Variants in ELMO1 observed in about 807,000 individuals in gnomAD.
The protein encoded by ELMO1 is engulfment and cell motility protein 1.
Under a neutral mutation model 98.9 loss-of-function variants are expected in ELMO1, and 26 were observed. That is an observed-to-expected ratio of 0.26 (90% CI 0.19 to 0.36). The LOEUF is 0.36. ELMO1 is among the 10% of genes least tolerant of loss of function. The pLI is 1.00. For synonymous variants in ELMO1, 346 were observed against 346.0 expected (o/e 1.00, Z 0.00); for missense variants, 627 against 935.2 (o/e 0.67, Z 4.30).
At chr7:37,405,466 A>T (rs1430105193) in intron 1 of ELMO1, among the ~76,000 whole-genome samples, 2 of 152,250 alleles carry the variant, frequency 1.3e-5, no homozygotes, top group Non-Finnish European at 2.9e-5. Flanking sequence ...CAGCAAACAC[A>T]CTTCCGTGTG....
intron 1 of ELMO1, among the ~76,000 whole-genome samples, chr7:37,373,154 G>A (rs1030941372): frequency 4.6e-5 from 7 of 152,210 alleles, no homozygotes; most frequent in African/African-American, 1.7e-4. Context: ...CACTGAAGAC[G>A]GCGCTAGCAG....
intron 15 of ELMO1, among the ~76,000 whole-genome samples, chr7:37,055,555 T>C (rs1009245770): frequency 1.3e-5 from 2 of 152,206 alleles, no homozygotes; most frequent in Admixed American, 1.3e-4. Context: ...TGGTCACTTT[T>C]TGCAGGATCT....
At chr7:37,244,323 A>ATATATCTCC (rs1277765189) in intron 7 of ELMO1, 33 bp downstream of exon 7, 2 of 1,609,182 alleles carry the variant, frequency 1.2e-6, no homozygotes, top group East Asian at 4.5e-5. Context: ...GGAAGGGTTA[A>ATATATCTCC]ATCATCAATA....
chr7:37,082,123 A>AG (rs781103553), intron 15 of ELMO1, among the ~76,000 whole-genome samples: 4 of 152,214 alleles, frequency 2.6e-5, no homozygotes, highest in Non-Finnish European at 2.9e-5. Context: ...TCCATGTGTC[A>AG]GGTTTATTTA....
At chr7:37,129,094 G>A (rs1192928807) in intron 14 of ELMO1, among the ~76,000 whole-genome samples, 1 of 151,886 alleles carries the variant, frequency 6.6e-6, no homozygotes, top group Non-Finnish European at 1.5e-5. Flanking sequence ...AGACACAGTG[G>A]TAGAGACTTG....
rs1429082934 is a variant in ELMO1, at chr7:37,292,806, C to G, written c.193-20924G>C. Among the ~76,000 whole-genome samples, 20 of 75,508 alleles carry G rather than the reference C, an allele frequency of 2.6e-4. 1 individual carries two copies. Among genetic ancestry groups the G allele is most frequent in the Non-Finnish European group, 4.0e-4 (15 of 37,890 alleles). The allele number at this position is 75,508 out of a possible 152,430, so 49.5% of individuals were successfully genotyped here. ...GAGGGAGGTGGGGGGGTCAGCCCCC[C>G]GCCCGGCCAGCCGCCCTGTCCGGGA... On this transcript the variant is annotated intron_variant, in intron 4 of 21. Coordinates refer to ENST00000310758, the MANE Select transcript of ELMO1 (RefSeq NM_014800.11).
intron 2 of ELMO1, among the ~76,000 whole-genome samples, chr7:37,340,482 G>C (rs1045451522): frequency 6.6e-6 from 1 of 152,194 alleles, no homozygotes; most frequent in African/African-American, 2.4e-5. Flanking sequence ...AGGAGACTGA[G>C]GAAACGTGAC....
At chr7:37,439,018 GGGGCTGGACAACCT>G (rs1240759297) in intron 1 of ELMO1, among the ~76,000 whole-genome samples, 3 of 152,250 alleles carry the variant, frequency 2.0e-5, no homozygotes, top group Admixed American at 2.0e-4. Context: ...CTGGAAGGCG[GGGGCTGGACAACCT>G]GTCTCCTAGT....
intron 15 of ELMO1, among the ~76,000 whole-genome samples, chr7:37,086,330 C>CTGTGTG (rs58906590): frequency 0.085 from 12,164 of 143,070 alleles, 562 homozygotes; most frequent in African/African-American, 0.11. Flanking sequence ...CAATACATGA[C>CTGTGTG]TGTGTGTGTG....
At chr7:37,418,491 C>T (rs993917331) in intron 1 of ELMO1, among the ~76,000 whole-genome samples, 5 of 152,130 alleles carry the variant, frequency 3.3e-5, no homozygotes, top group Non-Finnish European at 5.9e-5. Context: ...AGGTAAGGCC[C>T]GTAGGGAGAT....
At chr7:37,439,673 T>C (rs936695560) in intron 1 of ELMO1, among the ~76,000 whole-genome samples, 1 of 152,234 alleles carries the variant, frequency 6.6e-6, no homozygotes, top group Non-Finnish European at 1.5e-5. Flanking sequence ...TTTTAAAATA[T>C]ACTACAATTA....
intron 16 of ELMO1, among the ~76,000 whole-genome samples, chr7:36,952,024 G>A (rs1395096746): frequency 6.6e-6 from 1 of 152,216 alleles, no homozygotes; most frequent in African/African-American, 2.4e-5. Context: ...GATCTGGCAA[G>A]GAAGCAGGAA....
chr7:37,407,010 G>T (rs1803797756), intron 1 of ELMO1, among the ~76,000 whole-genome samples: 1 of 152,126 alleles, frequency 6.6e-6, no homozygotes, highest in Non-Finnish European at 1.5e-5. Context: ...CCTGTGTGGA[G>T]AACACTTTGG....
At position 37,044,518 on chromosome 7, in the gene ELMO1, G is replaced by A. The variant is rs144734150; in HGVS notation, c.1301-31083C>T. On this transcript the variant is annotated intron_variant, in intron 15 of 21. Coordinates refer to ENST00000310758, the MANE Select transcript of ELMO1 (RefSeq NM_014800.11). ...AGTCACCATCTCACTCGCCCAACAC[G>A]GTGTTTGAGGTGGTGACCAGCCCTC... Among the ~76,000 whole-genome samples the A allele has an allele frequency of 1.5e-3, 228 of 152,214 alleles. 2 individuals are homozygous for A. Among genetic ancestry groups the A allele is most frequent in the South Asian group, 0.015 (71 of 4,822 alleles).
intron 20 of ELMO1, among the ~76,000 whole-genome samples, chr7:36,869,232 G>A (rs1803311248): frequency 6.8e-6 from 1 of 146,066 alleles, no homozygotes; most frequent in East Asian, 2.2e-4. Context: ...TGACAATGCT[G>A]TGATGGGCTC....
At chr7:37,098,250 T>C (rs142594752) in intron 14 of ELMO1, among the ~76,000 whole-genome samples, 92 of 152,338 alleles carry the variant, frequency 6.0e-4, no homozygotes, top group African/African-American at 2.1e-3. Context: ...ACAGTATTAA[T>C]TGAGCACCTG....
Position 37,061,267 on chromosome 7 carries a change from G to C in ELMO1, c.1300+35352C>G, listed in dbSNP as rs375038847. 5.8e-4 allele frequency among the ~76,000 whole-genome samples: 88 copies of C among 152,266 alleles called. 2 individuals carry two copies. The South Asian group carries it at 0.018, about 31-fold the overall frequency. On this transcript the variant is annotated intron_variant, in intron 15 of 21. Transcript: ENST00000310758. ...ACTGGTCCTAGAGACCAGTTGGTCT[G>C]TCACCTACTGTATAAAACTAAGGGT...
intron 16 of ELMO1, among the ~76,000 whole-genome samples, chr7:36,934,819 T>A (rs996348463): frequency 6.6e-6 from 1 of 152,174 alleles, no homozygotes; most frequent in Non-Finnish European, 1.5e-5. Flanking sequence ...CAGAAGGAGT[T>A]CAACTCCAGG....
chr7:36,918,502 T>C (rs1584368829), intron 16 of ELMO1, among the ~76,000 whole-genome samples: 1 of 152,072 alleles, frequency 6.6e-6, no homozygotes, highest in Non-Finnish European at 1.5e-5. Flanking sequence ...ACCCAGGGGA[T>C]TCACAGAAAA....
Sources: gnomAD v4.1 joint callset for allele counts (sites outside exome capture counted in the v4.1 genomes callset) on GRCh38, gnomAD v4.1.1 for gene constraint, MANE v1.5 for transcripts, NCBI Gene and HGNC (gene_info 2026-07-23, HGNC 2026-07-21) for gene names.